YY1: variants seen among roughly 807,000 people sequenced by gnomAD.
The protein encoded by YY1 is YY1 transcription factor, also known as transcriptional repressor protein YY1.
YY1 carries 2 observed loss-of-function variants against 35.6 expected under a neutral mutation model. The ratio of observed to expected loss-of-function variants is 0.06; its 90% confidence interval spans 0.02 to 0.18. The LOEUF (loss-of-function observed/expected upper bound fraction) is 0.18. Among genes scored for constraint, YY1 ranks in the 10% least tolerant of loss-of-function variants. YY1 has a pLI of 1.00. For missense variants in YY1, 322 were observed against 573.4 expected (o/e 0.56, Z 4.48); for synonymous variants, 268 against 238.9 (o/e 1.12, Z -1.12).
intron 2 of YY1, among the ~76,000 whole-genome samples, chr14:100,268,653 A>G (rs1313779651): frequency 1.3e-5 from 2 of 152,350 alleles, no homozygotes; most frequent in East Asian, 1.9e-4. Context: ...GTATCATCAC[A>G]TGAATATTAA....
Position 100,277,646 on chromosome 14 carries a change from A to G in YY1, c.*46A>G. 1 of 1,592,444 alleles carries G rather than the reference A, an allele frequency of 6.3e-7. No individual in the cohort carries two copies. Among genetic ancestry groups the G allele is most frequent in the African/African-American group, 1.3e-5 (1 of 74,388 alleles). The stretch of plus-strand genomic sequence containing the variant: ...CTCGACCACGGGAAGCATCTTCCAG[A>G]AGTGTGATTGGGAATAAATATGCCT... On this transcript the variant is annotated 3_prime_UTR_variant, in exon 5 of 5. Transcript: ENST00000262238. The surrounding 1 kb of genome is among the most constrained non-coding windows in gnomAD (Gnocchi z 5.6).
At chr14:100,275,458 C>T (rs1014447200) in intron 3 of YY1, among the ~76,000 whole-genome samples, 3 of 152,072 alleles carry the variant, frequency 2.0e-5, no homozygotes, top group Non-Finnish European at 2.9e-5. Flanking sequence ...CTTGATGTGG[C>T]GATTTGAAAT....
intron 1 of YY1, among the ~76,000 whole-genome samples, chr14:100,254,655 C>A (rs565767904): frequency 5.7e-4 from 87 of 152,216 alleles, no homozygotes; most frequent in African/African-American, 2.1e-3. Context: ...TGGATTTTTG[C>A]CATGTTGGCC....
At chr14:100,273,355 A>C (rs1293995472) in intron 2 of YY1, among the ~76,000 whole-genome samples, 1 of 152,206 alleles carries the variant, frequency 6.6e-6, no homozygotes, top group Non-Finnish European at 1.5e-5. Context: ...TGACACAGTC[A>C]TGGCTTACTG....
intron 2 of YY1, among the ~76,000 whole-genome samples, chr14:100,267,681 G>A (rs968383093): frequency 2.6e-5 from 4 of 151,986 alleles, no homozygotes; most frequent in Admixed American, 6.6e-5. Flanking sequence ...CCGCCACTAC[G>A]CCCGGCTAAT....
At position 100,282,041 on chromosome 14, in the gene YY1, TA is replaced by T. The variant is rs1891442520; in HGVS notation, c.*4443del. 1 of 152,246 alleles carries T rather than the reference TA, an allele frequency of 6.6e-6. No individual in the cohort carries two copies. The highest frequency in any genetic ancestry group is 1.5e-5 in the Non-Finnish European group (1 of 68,086). 9.4% of individuals were successfully genotyped at this position (152,246 alleles called of 1,614,324 possible). On this transcript the variant is annotated 3_prime_UTR_variant, in exon 5 of 5. Transcript: ENST00000262238. ...CTTGTAAAATCTGGAATGGAGCGTT[TA>T]AGCTGAGCGTTAGCATCAGGTCAGC...
chr14:100,270,668 C>T (rs1034045419), intron 2 of YY1, among the ~76,000 whole-genome samples: 1 of 151,932 alleles, frequency 6.6e-6, no homozygotes, highest in East Asian at 1.9e-4. Flanking sequence ...CCTTACTAAG[C>T]CATGTTTACT....
intron 1 of YY1, among the ~76,000 whole-genome samples, chr14:100,241,895 A>G: frequency 6.9e-6 from 1 of 144,720 alleles, no homozygotes; most frequent in East Asian, 2.1e-4. Context: ...AATCGCTTGA[A>G]CCCAGGAGGC....
intron 2 of YY1, among the ~76,000 whole-genome samples, chr14:100,268,159 G>GA (rs1891181877): frequency 6.6e-6 from 1 of 152,206 alleles, no homozygotes; most frequent in South Asian, 2.1e-4. Context: ...GCTTAAGGTA[G>GA]AATGTAAGCT....
In YY1 at chr14:100,279,347, T is replaced by G. The variant is rs1183828409; in HGVS notation, c.*1747T>G. The stretch of plus-strand genomic sequence containing the variant: ...AGGTGAAACACATAGCCCATTGTCT[T>G]AGAGCTTCTCCATCGGTCCTGTACA... On this transcript the variant is annotated 3_prime_UTR_variant, in exon 5 of 5. Coordinates refer to ENST00000262238, the MANE Select transcript of YY1 (RefSeq NM_003403.5). 6.6e-6 allele frequency: 1 copy of G among 152,244 alleles called. No homozygotes were observed. Among genetic ancestry groups the G allele is most frequent in the East Asian group, 1.9e-4 (1 of 5,204 alleles). 9.4% of individuals were successfully genotyped at this position (152,244 alleles called of 1,614,324 possible).
At chr14:100,273,276 AATT>A (rs926764146) in intron 2 of YY1, among the ~76,000 whole-genome samples, 13 of 149,788 alleles carry the variant, frequency 8.7e-5, no homozygotes, top group Non-Finnish European at 1.6e-4. Context: ...TGGTTTTTTA[AATT>A]ATTATTTTAT....
rs1429254412 is a variant in YY1 at position 100,276,812 on chromosome 14, C to T, written c.1062+164C>T. Reference sequence around the variant, plus strand: ...CCTGGGGAGTCGCTTAGAAGGGTTGCCGGGGCTCTGGACATCCTTGTCTAT... The same window carrying T: ...CCTGGGGAGTCGCTTAGAAGGGTTGTCGGGGCTCTGGACATCCTTGTCTAT... On this transcript the variant is annotated intron_variant, in intron 4 of 4. Transcript: ENST00000262238. This position sits in a 1 kb window ranked among gnomAD's most constrained non-coding sequence, Gnocchi z 4.1. The T allele has an allele frequency of 3.1e-6, 3 of 980,858 alleles. No homozygotes were observed. The highest frequency in any genetic ancestry group is 4.6e-6 in the Non-Finnish European group (3 of 652,884). 60.8% of individuals were successfully genotyped at this position (980,858 alleles called of 1,614,324 possible). A position where few individuals can be genotyped will look rare whatever the true frequency, so the allele number is the denominator to read the frequency against.
chr14:100,269,948 T>A (rs771284449), intron 2 of YY1, among the ~76,000 whole-genome samples: 7 of 152,100 alleles, frequency 4.6e-5, no homozygotes, highest in Non-Finnish European at 8.8e-5. Context: ...ATTTGAAAAT[T>A]TCCATGATAA....
At position 100,281,118 on chromosome 14, in the gene YY1, C is replaced by T. The variant is rs917790822; in HGVS notation, c.*3518C>T. ...CCTGACAATTCTACCCACCTCCCCC[C>T]ACCCCCGACTATAGGCAAAGAGAGT... On this transcript the variant is annotated 3_prime_UTR_variant, in exon 5 of 5. Coordinates refer to ENST00000262238, the MANE Select transcript of YY1 (RefSeq NM_003403.5). The T allele has an allele frequency of 2.0e-5, 3 of 151,274 alleles. No individual in the cohort carries two copies. Among genetic ancestry groups the T allele is most frequent in the African/African-American group, 7.3e-5 (3 of 40,950 alleles). The allele number at this position is 151,274 out of a possible 1,614,324, so 9.4% of individuals were successfully genotyped here.
intron 1 of YY1, 46 bp from the exon 2 acceptor site, chr14:100,262,258 T>C: frequency 3.1e-6 from 5 of 1,608,414 alleles, no homozygotes; most frequent in Non-Finnish European, 4.2e-6. Context: ...TTGTAGTTTT[T>C]AAAATCTATT....
intron 1 of YY1, among the ~76,000 whole-genome samples, chr14:100,255,065 A>G (rs1890985552): frequency 1.4e-5 from 2 of 144,290 alleles, no homozygotes; most frequent in Admixed American, 1.5e-4. Flanking sequence ...CCAAAGTGCT[A>G]GGATTACAGA....
intron 2 of YY1, among the ~76,000 whole-genome samples, chr14:100,270,456 C>CAAA (rs34083329): frequency 7.1e-5 from 7 of 98,068 alleles, no homozygotes; most frequent in African/African-American, 2.8e-4. Flanking sequence ...ACTAAAAATA[C>CAAA]AAAAAAAAAA....
chr14:100,268,347 A>T (rs756146418), intron 2 of YY1, among the ~76,000 whole-genome samples: 9 of 152,208 alleles, frequency 5.9e-5, no homozygotes, highest in Non-Finnish European at 8.8e-5. Context: ...TGACATTGGG[A>T]AGGTGGACAG....
chr14:100,247,049 C>A (rs1482234201), intron 1 of YY1, among the ~76,000 whole-genome samples: 2 of 152,206 alleles, frequency 1.3e-5, no homozygotes, highest in African/African-American at 4.8e-5. Flanking sequence ...AAATCCGTAT[C>A]AGGAAAAGGT....
Sources: gnomAD v4.1 joint callset for allele counts (sites outside exome capture counted in the v4.1 genomes callset) on GRCh38, gnomAD v4.1.1 for gene constraint, Gnocchi (gnomAD v3.1) non-coding constraint, MANE v1.5 for transcripts, NCBI Gene and HGNC (gene_info 2026-07-23, HGNC 2026-07-21) for gene names.